The following SUN2 variants were observed in gnomAD, a reference collection of about 807,000 sequenced individuals.
SUN2 encodes SUN domain-containing protein 2.
In SUN2, 60 loss-of-function variants were observed where a neutral mutation model predicts 100.0. The ratio of observed to expected loss-of-function variants is 0.60; its 90% CI spans 0.49 to 0.74. The LOEUF (loss-of-function observed/expected upper bound fraction) is 0.74. Ranked by LOEUF, SUN2 falls within the 30% of genes least tolerant of loss-of-function variation. The probability of loss-of-function intolerance (pLI) is 0.00; values close to 1 mark genes in which losing one functional copy is unlikely to be tolerated. For synonymous variants in SUN2, 367 were observed against 403.3 expected (o/e 0.91, Z 1.08); for missense variants, 834 against 954.6 (o/e 0.87, Z 1.66).
rs145281800 is a variant in SUN2 at position 38,742,802 on chromosome 22, G to A, written c.814-247C>T. ...AGGTCCCTGAGGACACAGTACCGAAGTCTGATCCCAGAGGAGGAAGGAAGG... is the reference window on the plus strand; with the variant it reads ...AGGTCCCTGAGGACACAGTACCGAAATCTGATCCCAGAGGAGGAAGGAAGG... On this transcript the variant is annotated intron_variant, in intron 8 of 17. Coordinates refer to ENST00000689035, the MANE Select transcript of SUN2 (RefSeq NM_015374.3). The A allele has an allele frequency of 9.1e-4, 454 of 499,994 alleles. 2 individuals are homozygous for A. The highest frequency in any genetic ancestry group is 8.4e-3 in the African/African-American group (433 of 51,388). The allele number at this position is 499,994 out of a possible 1,614,324, so 31.0% of individuals were successfully genotyped here. A position where few individuals can be genotyped will look rare whatever the true frequency, so the allele number is the denominator to read the frequency against.
rs566500554 is a variant in SUN2 at position 38,755,336 on chromosome 22, T to A, written c.-38+427A>T. The A allele has an allele frequency of 9.2e-6, 10 of 1,091,770 alleles. No individual in the cohort carries two copies. In the East Asian group the frequency reaches 5.2e-4, roughly 57 times the overall value. 67.6% of individuals were successfully genotyped at this position (1,091,770 alleles called of 1,614,324 possible). A position where few individuals can be genotyped will look rare whatever the true frequency, so the allele number is the denominator to read the frequency against. The stretch of plus-strand genomic sequence containing the variant: ...TAAGTCACACCGCGCCCCCCATTGC[T>A]TTGTTTTGTTTTGTTTTAGAACTGA... On this transcript the variant is annotated intron_variant, in intron 1 of 17. Coordinates refer to ENST00000689035, the MANE Select transcript of SUN2 (RefSeq NM_015374.3). This position sits in a 1 kb window ranked among gnomAD's most constrained non-coding sequence, Gnocchi z 5.7.
rs2092978948 is a variant in SUN2, at chr22:38,755,548, C to T, written c.-38+215G>A. On this transcript the variant is annotated intron_variant, in intron 1 of 17. Transcript: ENST00000689035. The surrounding 1 kb of genome is among the most constrained non-coding windows in gnomAD (Gnocchi z 5.7). The stretch of plus-strand genomic sequence containing the variant: ...AAGTCCCGCCCGCAGACACCGCCCT[C>T]CCGGCTGACCAGTGGCGCGGCAGGC... 2.0e-6 allele frequency: 2 copies of T among 975,836 alleles called. No individual in the cohort carries two copies. Among genetic ancestry groups the T allele is most frequent in the South Asian group, 4.7e-5 (1 of 21,334 alleles). The allele number at this position is 975,836 out of a possible 1,614,324, so 60.4% of individuals were successfully genotyped here.
chr22:38,750,390 G>A, intron 4 of SUN2, 70 bp from the exon 5 acceptor site: 3 of 1,590,744 alleles, frequency 1.9e-6, no homozygotes, highest in Non-Finnish European at 8.6e-7. Context: ...TCTTCTGTGA[G>A]CCAAGACCAC....
chr22:38,752,487 G>A lies in SUN2; in HGVS notation c.122+20C>T, dbSNP rs1348313918. 3.8e-6 allele frequency: 6 copies of A among 1,591,998 alleles called. No individual in the cohort carries two copies. In the East Asian group the frequency reaches 1.1e-4, roughly 30 times the overall value. On this transcript the variant is annotated intron_variant, in intron 2 of 17. Coordinates refer to ENST00000689035, the MANE Select transcript of SUN2 (RefSeq NM_015374.3). Reference sequence around the variant, plus strand: ...GCTTGTGGGGCTGTCAGGGGCCGTGGCACTCCCTTGGGTCCCTACCTGAGA... The same window carrying A: ...GCTTGTGGGGCTGTCAGGGGCCGTGACACTCCCTTGGGTCCCTACCTGAGA...
intron 1 of SUN2, chr22:38,754,603 T>TGGGGGGGGGGCGCG: frequency 1.1e-6 from 1 of 889,150 alleles, no homozygotes; most frequent in Non-Finnish European, 1.6e-6. Context: ...TAAGGTAATC[T>TGGGGGGGGGGCGCG]CCCCTCCCCC....
Position 38,739,090 on chromosome 22 carries a change from G to T in SUN2, c.1664-102C>A. ...CTGAAGGTGGACGGCAGATGCCCCA[G>T]GCCTAGCCTTTAACCCTAACCGAGA... On this transcript the variant is annotated intron_variant, in intron 14 of 17. Transcript: ENST00000689035. This position sits in a 1 kb window ranked among gnomAD's most constrained non-coding sequence, Gnocchi z 6.7. 1 of 1,212,912 alleles carries T rather than the reference G, an allele frequency of 8.2e-7. No individual in the cohort carries two copies. The highest frequency in any genetic ancestry group is 1.2e-6 in the Non-Finnish European group (1 of 843,376). 75.1% of individuals were successfully genotyped at this position (1,212,912 alleles called of 1,614,324 possible).
At chr22:38,745,562 CAACT>C in intron 8 of SUN2, 118 bp downstream of exon 8, 1 of 1,300,568 alleles carries the variant, frequency 7.7e-7, no homozygotes, top group Non-Finnish European at 1.1e-6. Flanking sequence ...TGTAAGATGG[CAACT>C]AACAGTACGC....
chr22:38,750,038 C>T (rs2092932459), intron 5 of SUN2, among the ~76,000 whole-genome samples, 179 bp from the exon 6 acceptor site: 1 of 151,932 alleles, frequency 6.6e-6, no homozygotes, highest in Non-Finnish European at 1.5e-5. Flanking sequence ...TCCTGCTCTG[C>T]AGCTACTCCT....
At chr22:38,747,435 G>A (rs1358549220) in intron 7 of SUN2, among the ~76,000 whole-genome samples, 2 of 151,932 alleles carry the variant, frequency 1.3e-5, no homozygotes, top group Admixed American at 6.6e-5. Context: ...ACACAAAAAC[G>A]AAGCTAACTT....
rs1303702158 is a variant in SUN2 at position 38,740,795 on chromosome 22, C to T, written c.1190+212G>A. The T allele has an allele frequency of 1.6e-6, 1 of 609,670 alleles. No homozygotes were observed. The highest frequency in any genetic ancestry group is 2.9e-6 in the Non-Finnish European group (1 of 344,416). 37.8% of individuals were successfully genotyped at this position (609,670 alleles called of 1,614,324 possible). On this transcript the variant is annotated intron_variant, in intron 11 of 17. Coordinates refer to ENST00000689035, the MANE Select transcript of SUN2 (RefSeq NM_015374.3). This position sits in a 1 kb window ranked among gnomAD's most constrained non-coding sequence, Gnocchi z 4.8. The stretch of plus-strand genomic sequence containing the variant: ...TCCCGGTCCTCTCACACAGCCTGCC[C>T]CCCGCCCTCAGGACCCCCCTGCTAA...
Position 38,755,314 on chromosome 22 carries a change from G to C in SUN2, c.-38+449C>G. On this transcript the variant is annotated intron_variant, in intron 1 of 17. Transcript: ENST00000689035. The surrounding 1 kb of genome is among the most constrained non-coding windows in gnomAD (Gnocchi z 5.7). ...AAAGGCGCGCCTCCTGGCTCTCTAA[G>C]TCACACCGCGCCCCCCATTGCTTTG... The C allele has an allele frequency of 9.0e-7, 1 of 1,107,732 alleles. No homozygotes were observed. The highest frequency in any genetic ancestry group is 1.1e-6 in the Non-Finnish European group (1 of 900,710). The allele number at this position is 1,107,732 out of a possible 1,614,324, so 68.6% of individuals were successfully genotyped here. A position where few individuals can be genotyped will look rare whatever the true frequency, so the allele number is the denominator to read the frequency against.
intron 7 of SUN2, 87 bp from the exon 8 acceptor site, chr22:38,745,898 T>A: frequency 6.5e-7 from 1 of 1,538,764 alleles, no homozygotes; most frequent in South Asian, 1.2e-5. Context: ...TCCCTGCCAG[T>A]GCTTGTGGCC....
intron 8 of SUN2, among the ~76,000 whole-genome samples, chr22:38,744,316 G>T (rs2092886015): frequency 6.6e-6 from 1 of 150,550 alleles, no homozygotes. Context: ...AGTGACTCAT[G>T]CCTGTAATCC....
At chr22:38,744,141 G>A (rs1343823176) in intron 8 of SUN2, among the ~76,000 whole-genome samples, 1 of 152,020 alleles carries the variant, frequency 6.6e-6, no homozygotes, top group Non-Finnish European at 1.5e-5. Flanking sequence ...TCGGGACGCT[G>A]AGGCGGGAGA....
intron 8 of SUN2, 147 bp downstream of exon 8, chr22:38,745,537 C>A: frequency 9.2e-7 from 1 of 1,085,596 alleles, no homozygotes; most frequent in East Asian, 2.4e-5. Context: ...CCTTTTCTTT[C>A]TGTTTTCTGT....
In SUN2 at chr22:38,745,718, C is replaced by A; in HGVS notation, c.779G>T (p.Gly260Val). The change falls in exon 8 of 18, where the codon GGC becomes GTC. Residue 260 changes from glycine (G) to valine (V), a missense_variant. Physicochemically the swap from Gly to Val is moderately radical, Grantham distance 109. This residue lies in a region of SUN2 where 559 missense variants were observed against 597.7 expected (regional missense o/e 0.94). Coordinates refer to ENST00000689035, the MANE Select transcript of SUN2 (RefSeq NM_015374.3). ...TGGCGATGAGTCTCTGGCTTCCCAGCCCTCATCCGGCCTCCTGCTGTCCTT... is the reference window on the plus strand; with the variant it reads ...TGGCGATGAGTCTCTGGCTTCCCAGACCTCATCCGGCCTCCTGCTGTCCTT... ...AAKDSRRPDEGWEARDSSPHF... is the reference protein window; with the variant it reads ...AAKDSRRPDEVWEARDSSPHF... The A allele has an allele frequency of 6.2e-7, 1 of 1,613,976 alleles. No individual in the cohort carries two copies. The highest frequency in any genetic ancestry group is 8.5e-7 in the Non-Finnish European group (1 of 1,180,014).
At position 38,739,691 on chromosome 22, in the gene SUN2, G is replaced by A; in HGVS notation, c.1578+31C>T. 6.2e-7 allele frequency: 1 copy of A among 1,603,710 alleles called. No homozygotes were observed. The highest frequency in any genetic ancestry group is 8.5e-7 in the Non-Finnish European group (1 of 1,172,746). On this transcript the variant is annotated intron_variant, in intron 13 of 17. Transcript: ENST00000689035. This position sits in a 1 kb window ranked among gnomAD's most constrained non-coding sequence, Gnocchi z 6.7. ...GCTCCCAGGGAGGAGAGCTGTGGGT[G>A]GGTGTGTGGAGAGGGGCATGTGGGC... is the stretch of plus-strand genomic sequence containing the variant.
chr22:38,754,557 A>G (rs1421638207), intron 1 of SUN2: 2 of 1,065,712 alleles, frequency 1.9e-6, no homozygotes, highest in East Asian at 6.1e-5. Flanking sequence ...AAAAGCAGGA[A>G]GTTGGCCTGG....
chr22:38,745,201 G>A (rs965788760), intron 8 of SUN2: 15 of 470,862 alleles, frequency 3.2e-5, no homozygotes, highest in African/African-American at 2.4e-4. Flanking sequence ...AAGTGCACAT[G>A]GAGTACAGCT....
Sources: gnomAD v4.1 joint callset for allele counts (sites outside exome capture counted in the v4.1 genomes callset) on GRCh38, gnomAD v4.1.1 for gene constraint, gnomAD v4.1.1 regional missense constraint, Gnocchi (gnomAD v3.1) non-coding constraint, MANE v1.5 for transcripts, NCBI Gene and HGNC (gene_info 2026-07-23, HGNC 2026-07-21) for gene names.